The following APTX variants were observed in gnomAD, a reference collection of about 807,000 sequenced individuals.
APTX encodes aprataxin, also known as forkhead-associated domain histidine triad-like protein.
APTX carries 33 observed loss-of-function variants against 42.3 expected under a neutral mutation model. That is an observed-to-expected ratio of 0.78 (90% confidence interval 0.59 to 1.04). The LOEUF (loss-of-function observed/expected upper bound fraction) is 1.04, where lower values mean the gene tolerates loss of function less well. APTX is among the 50% of genes least tolerant of loss of function. APTX has a pLI of 0.00. For synonymous variants in APTX, 130 were observed against 146.7 expected (o/e 0.89, Z 0.82); for missense variants, 421 against 415.1 (o/e 1.01, Z -0.12).
chr9:32,987,690 T>G lies in APTX; in HGVS notation c.337A>C (p.Arg113=), dbSNP rs749562069. Reference sequence around the variant, plus strand: ...CTGTTGCCTGATCTCTTTCTCTTCCTGTGTGTTTCCAGGCCAGGGTTCTTT... The same window carrying G: ...CTGTTGCCTGATCTCTTTCTCTTCCGGTGTGTTTCCAGGCCAGGGTTCTTT... ...EAKNPGLETH[R]KRKRSGNSDS... is the part of the protein sequence containing the mutation. The change falls in exon 4 of 8, where the codon AGG becomes CGG. Residue 113 remains arginine (R), a synonymous_variant. Transcript: ENST00000379817. The G allele has an allele frequency of 6.2e-7, 1 of 1,614,182 alleles. No homozygotes were observed. The highest frequency in any genetic ancestry group is 8.5e-7 in the Non-Finnish European group (1 of 1,180,028).
intron 1 of APTX, among the ~76,000 whole-genome samples, chr9:33,009,580 A>C (rs1259231555): frequency 2.6e-5 from 4 of 152,054 alleles, no homozygotes; most frequent in African/African-American, 9.7e-5. Flanking sequence ...GAAGTTTGAG[A>C]CCAGGCTGGG....
At chr9:33,004,891 C>T (rs528764086), upstream of APTX, among the ~76,000 whole-genome samples, 162 of 152,038 alleles carry the variant, frequency 1.1e-3, no homozygotes, top group Non-Finnish European at 2.0e-3. Context: ...CCACCCACCT[C>T]GGCCTCCCAA....
upstream of APTX, chr9:33,001,647 C>A (rs759969129): frequency 3.7e-6 from 6 of 1,611,586 alleles, no homozygotes; most frequent in African/African-American, 1.3e-5. Context: ...ACGTCAGAGG[C>A]CGGCTGTATC....
intron 1 of APTX, among the ~76,000 whole-genome samples, chr9:33,013,968 C>A (rs910132169): frequency 1.3e-5 from 2 of 152,146 alleles, no homozygotes; most frequent in East Asian, 3.8e-4. Flanking sequence ...CTAAAAGTAA[C>A]TGAACTCCAA....
intron 2 of APTX, 137 bp from the exon 3 acceptor site, chr9:32,988,266 C>CAA: frequency 1.3e-6 from 1 of 753,240 alleles, no homozygotes; most frequent in Non-Finnish European, 2.4e-6. Context: ...TATTAGCAAT[C>CAA]ACCTGTTATT....
At chr9:33,017,485 G>T (rs75667681) in intron 1 of APTX, among the ~76,000 whole-genome samples, 10,721 of 152,218 alleles carry the variant, frequency 0.07, 512 homozygotes, top group Non-Finnish European at 0.11. Context: ...GGTTTCTTTT[G>T]TAAGGGCACT....
Position 32,972,835 on chromosome 9 carries a change from G to A in APTX, c.*663C>T, listed in dbSNP as rs1214776023. ...ACAGCTCAATCATGACGAACATGTG[G>A]CTGTTTCCTCACAGCCAGGAACCCT... On this transcript the variant is annotated 3_prime_UTR_variant, in exon 8 of 8. Transcript: ENST00000379817. The A allele has an allele frequency of 1.1e-5, 5 of 453,972 alleles. No individual in the cohort carries two copies. In the Admixed American group the frequency reaches 1.2e-4, roughly 11 times the overall value. 28.1% of individuals were successfully genotyped at this position (453,972 alleles called of 1,614,324 possible). A position where few individuals can be genotyped will look rare whatever the true frequency, so the allele number is the denominator to read the frequency against.
intron 1 of APTX, among the ~76,000 whole-genome samples, chr9:33,014,508 A>C (rs1474546044): frequency 6.6e-6 from 1 of 152,214 alleles, no homozygotes; most frequent in African/African-American, 2.4e-5. Context: ...CCTTAACAAA[A>C]GGATGCATAG....
chr9:33,001,699 G>A, upstream of APTX: 2 of 1,525,214 alleles, frequency 1.3e-6, no homozygotes, highest in Non-Finnish European at 9.0e-7. Context: ...CGGATTGGCT[G>A]AAAGAATCTT....
intron 6 of APTX, among the ~76,000 whole-genome samples, chr9:32,975,899 G>C (rs1170397847): frequency 6.6e-6 from 1 of 152,162 alleles, no homozygotes; most frequent in Non-Finnish European, 1.5e-5. Context: ...AGAGTGCAAA[G>C]CATATACTGA....
At chr9:33,016,438 G>A (rs1837905166) in intron 1 of APTX, among the ~76,000 whole-genome samples, 1 of 152,074 alleles carries the variant, frequency 6.6e-6, no homozygotes, top group African/African-American at 2.4e-5. Context: ...AAAAAAGACA[G>A]CAATAAACAT....
rs184407512 is a variant in APTX, at chr9:33,010,609, C to A, written c.-5+14414G>T. Among the ~76,000 whole-genome samples the A allele has an allele frequency of 1.6e-3, 238 of 151,972 alleles. 1 individual carries two copies. The highest frequency in any genetic ancestry group is 5.5e-3 in the African/African-American group (228 of 41,428). On this transcript the variant is annotated intron_variant, in intron 1 of 6. Transcript: ENST00000436040. ...TGGCAGGCGCCTGTAACCCCAGCTA[C>A]TCAGGAGGCTGAGGCAGGAGAATCG...
rs991134270 is a variant in APTX at position 32,972,813 on chromosome 9, G to C, written c.*685C>G. On this transcript the variant is annotated 3_prime_UTR_variant, in exon 8 of 8. Transcript: ENST00000379817. Reference sequence around the variant, plus strand: ...ACAACAGGTCCAAGAAGACTTCACAGCTCAATCATGACGAACATGTGGCTG... The same window carrying C: ...ACAACAGGTCCAAGAAGACTTCACACCTCAATCATGACGAACATGTGGCTG... 3 of 454,080 alleles carry C rather than the reference G, an allele frequency of 6.6e-6. No homozygotes were observed. The highest frequency in any genetic ancestry group is 4.7e-5 in the South Asian group (3 of 64,472). The allele number at this position is 454,080 out of a possible 1,614,324, so 28.1% of individuals were successfully genotyped here.
chr9:32,997,207 A>G (rs1413965285), intron 1 of APTX: 1 of 152,188 alleles, frequency 6.6e-6, no homozygotes, highest in Non-Finnish European at 1.5e-5. Context: ...CCAGCCTTCA[A>G]AAAACTCAGC....
intron 1 of APTX, among the ~76,000 whole-genome samples, chr9:33,021,146 A>T (rs377652516): frequency 1.2e-4 from 18 of 150,242 alleles, no homozygotes; most frequent in South Asian, 6.3e-4. Context: ...AAAAAAAAAG[A>T]AAGTATGAAA....
chr9:33,015,736 C>T (rs1051608256), intron 1 of APTX, among the ~76,000 whole-genome samples: 6 of 152,194 alleles, frequency 3.9e-5, no homozygotes, highest in Non-Finnish European at 1.5e-5. Context: ...CACATGCATG[C>T]AAGAAAACTT....
chr9:33,017,050 T>C (rs1487823676), intron 1 of APTX, among the ~76,000 whole-genome samples: 1 of 152,236 alleles, frequency 6.6e-6, no homozygotes, highest in Non-Finnish European at 1.5e-5. Context: ...CATAATACTT[T>C]GAACCAAATG....
In APTX at chr9:32,986,043, CAA is replaced by C; in HGVS notation, c.484-15_484-14del. The C allele has an allele frequency of 4.1e-6, 4 of 985,230 alleles. No individual in the cohort carries two copies. The highest frequency in any genetic ancestry group is 5.6e-6 in the Non-Finnish European group (4 of 709,502). 61.0% of individuals were successfully genotyped at this position (985,230 alleles called of 1,614,324 possible). A position where few individuals can be genotyped will look rare whatever the true frequency, so the allele number is the denominator to read the frequency against. On this transcript the variant is annotated splice_polypyrimidine_tract_variant and intron_variant, in intron 4 of 7. Transcript: ENST00000379817. ...GGCCCAGGGATTCCTAAAAAAAAAA[CAA>C]AAAAAAAAACAAAAAAAAAAAAAAA...
Position 33,001,591 on chromosome 9 carries a change from T to G in APTX, c.-29A>C, listed in dbSNP as rs751040521. 6.2e-7 allele frequency: 1 copy of G among 1,613,944 alleles called. No individual in the cohort carries two copies. The highest frequency in any genetic ancestry group is 8.5e-7 in the Non-Finnish European group (1 of 1,180,028). On this transcript the variant is annotated 5_prime_UTR_variant, in exon 1 of 8. Transcript: ENST00000379817. ...CCTCCAGAAGTCGGAGACGGACAAA[T>G]TCACGTTACTCATCTGTGCCTCACC...
Sources: gnomAD v4.1 joint callset for allele counts (sites outside exome capture counted in the v4.1 genomes callset) on GRCh38, gnomAD v4.1.1 for gene constraint, MANE v1.5 for transcripts, NCBI Gene and HGNC (gene_info 2026-07-23, HGNC 2026-07-21) for gene names.